Variants in CR1 observed in about 807,000 individuals in gnomAD.
CR1 encodes the protein complement receptor type 1.
In CR1, 116 loss-of-function variants were observed where a neutral mutation model predicts 187.3. The ratio of observed to expected loss-of-function variants is 0.62; its 90% CI spans 0.53 to 0.72. The LOEUF (loss-of-function observed/expected upper bound fraction) is 0.72. Ranked by LOEUF, CR1 falls within the 30% of genes least tolerant of loss-of-function variation. The pLI is 0.00. For missense variants in CR1, 1,731 were observed against 2,110.7 expected, an observed-to-expected ratio of 0.82 and a Z score of 3.52; for synonymous variants, 576 against 747.1, an observed-to-expected ratio of 0.77 and a Z score of 3.73.
At chr1:207,606,003 TA>T in intron 35 of CR1, 1 of 152,182 alleles carries the variant, frequency 6.6e-6, no homozygotes, top group East Asian at 1.9e-4. Context: ...ACAGAAGAAA[TA>T]AAATAACAGG....
intron 39 of CR1, among the ~76,000 whole-genome samples, chr1:207,612,623 G>A (rs543256979): frequency 8.5e-5 from 13 of 152,216 alleles, no homozygotes; most frequent in South Asian, 4.1e-4. Context: ...CAGGCTCACC[G>A]CAGGAAACAC....
At chr1:207,500,093 T>C (rs1207829835) in intron 1 of CR1, among the ~76,000 whole-genome samples, 2 of 152,190 alleles carry the variant, frequency 1.3e-5, no homozygotes, top group Non-Finnish European at 2.9e-5. Context: ...ACCTAGAAAG[T>C]ATCATGAAGA....
At chr1:207,512,573 A>T (rs1211759915) in intron 4 of CR1, among the ~76,000 whole-genome samples, 1 of 152,198 alleles carries the variant, frequency 6.6e-6, no homozygotes, top group Non-Finnish European at 1.5e-5. Context: ...GGACTCCTTT[A>T]CTTTTCTTCT....
At chr1:207,625,469 C>T (rs1269224345) in intron 45 of CR1, among the ~76,000 whole-genome samples, 2 of 152,246 alleles carry the variant, frequency 1.3e-5, no homozygotes, top group Non-Finnish European at 2.9e-5. Context: ...TTACTTTTGA[C>T]CTGTTTCACT....
chr1:207,617,577 G>GTATATATATA (rs747792167), intron 41 of CR1, among the ~76,000 whole-genome samples: 4 of 47,180 alleles, frequency 8.5e-5, no homozygotes, highest in Non-Finnish European at 1.2e-4. Context: ...ATGTGTGTGT[G>GTATATATATA]TATATATATA....
At chr1:207,500,287 G>A (rs910325566) in intron 1 of CR1, among the ~76,000 whole-genome samples, 20 of 152,058 alleles carry the variant, frequency 1.3e-4, no homozygotes, top group East Asian at 5.8e-4. Context: ...TTATGTTCGT[G>A]TACATATATA....
intron 27 of CR1, 103 bp from the exon 28 acceptor site, chr1:207,575,492 G>C: frequency 6.9e-7 from 1 of 1,448,514 alleles, no homozygotes; most frequent in Non-Finnish European, 9.7e-7. Flanking sequence ...CTAGGCCTTA[G>C]ACTTCTCCTG....
chr1:207,576,581 G>T (rs1478964568), intron 28 of CR1, among the ~76,000 whole-genome samples: 3 of 152,200 alleles, frequency 2.0e-5, no homozygotes, highest in Non-Finnish European at 2.9e-5. Context: ...ACTTTGGGAG[G>T]CCTAGGTGAG....
In CR1 at chr1:207,640,982, C is replaced by A. The variant is rs955205170; in HGVS notation, c.*1573C>A. On this transcript the variant is annotated 3_prime_UTR_variant, in exon 47 of 47. Coordinates refer to ENST00000367049, the MANE Select transcript of CR1 (RefSeq NM_000651.6). ...AAAAATGCAACTTACATCACAAAAG[C>A]TAATTGCTTTATTATTTAGAGAGTA... 6.6e-6 allele frequency: 1 copy of A among 152,072 alleles called. No homozygotes were observed. Among genetic ancestry groups the A allele is most frequent in the Non-Finnish European group, 1.5e-5 (1 of 68,008 alleles). The allele number at this position is 152,072 out of a possible 1,614,324, so 9.4% of individuals were successfully genotyped here.
At chr1:207,630,711 A>G (rs1377537217) in intron 46 of CR1, 90 bp downstream of exon 46, 2 of 799,216 alleles carry the variant, frequency 2.5e-6, no homozygotes, top group Non-Finnish European at 1.9e-6. Context: ...TGCACTAGGT[A>G]GGTCATTGAT....
rs896459925 is a variant in CR1, at chr1:207,640,807, T to G, written c.*1398T>G. 1.6e-4 allele frequency: 25 copies of G among 152,212 alleles called. No homozygotes were observed. Among genetic ancestry groups the G allele is most frequent in the African/African-American group, 5.3e-4 (22 of 41,452 alleles). The allele number at this position is 152,212 out of a possible 1,614,324, so 9.4% of individuals were successfully genotyped here. A position where few individuals can be genotyped will look rare whatever the true frequency, so the allele number is the denominator to read the frequency against. Reference sequence around the variant, plus strand: ...ATGCTCATTTCTATGTAATTCTGTTTAATAGTTGCTTTAAAGGTGAATTTT... The same window carrying G: ...ATGCTCATTTCTATGTAATTCTGTTGAATAGTTGCTTTAAAGGTGAATTTT... On this transcript the variant is annotated 3_prime_UTR_variant, in exon 47 of 47. Coordinates refer to ENST00000367049, the MANE Select transcript of CR1 (RefSeq NM_000651.6).
At chr1:207,608,739 T>C (rs1661821754) in intron 36 of CR1, among the ~76,000 whole-genome samples, 1 of 152,206 alleles carries the variant, frequency 6.6e-6, no homozygotes, top group Non-Finnish European at 1.5e-5. Context: ...GATCATTTAA[T>C]TGAGTCAATA....
intron 41 of CR1, 42 bp downstream of exon 41, chr1:207,616,844 T>A (rs753337139): frequency 2.4e-5 from 38 of 1,600,622 alleles, no homozygotes; most frequent in Non-Finnish European, 2.7e-5. Flanking sequence ...GTTCAGAATA[T>A]CTAGGTAAGA....
chr1:207,583,263 G>C (rs1661015950), intron 32 of CR1, among the ~76,000 whole-genome samples: 1 of 152,232 alleles, frequency 6.6e-6, no homozygotes, highest in Admixed American at 6.5e-5. Context: ...AAATTCTATA[G>C]AGAGGTCAAA....
chr1:207,618,961 C>T (rs1053063274), intron 42 of CR1, among the ~76,000 whole-genome samples: 14 of 148,664 alleles, frequency 9.4e-5, no homozygotes, highest in Non-Finnish European at 1.5e-4. Flanking sequence ...ATCACTTGAA[C>T]CCAGAGGCAG....
At chr1:207,564,751 A>G (rs1482449795) in intron 23 of CR1, among the ~76,000 whole-genome samples, 1 of 150,148 alleles carries the variant, frequency 6.7e-6, no homozygotes, top group Non-Finnish European at 1.5e-5. Context: ...CAGTGAGCCG[A>G]GATGGCACCA....
In CR1 at chr1:207,580,375, C is replaced by A; in HGVS notation, c.5072C>A (p.Thr1691Lys). 7 of 1,613,996 alleles carry A rather than the reference C, an allele frequency of 4.3e-6. No homozygotes were observed. The highest frequency in any genetic ancestry group is 5.9e-6 in the Non-Finnish European group (7 of 1,179,870). Residue 1691 changes from threonine to lysine, a missense_variant, in exon 30 of 47, where the codon ACA (threonine) becomes AAA (lysine). By Grantham distance (78) the Thr-to-Lys change is moderately conservative. This residue lies in a region of CR1 where 1,312 missense variants were observed against 1,379.6 expected (regional missense o/e 0.95). Transcript: ENST00000367049. ...DLRGAASLHC[T>K]PQGDWSPEAP... ...AGAGGGGCTGCGTCTCTGCACTGCA[C>A]ACCCCAGGGAGACTGGAGCCCTGAA...
intron 46 of CR1, among the ~76,000 whole-genome samples, chr1:207,636,391 T>C (rs1460838783): frequency 2.0e-5 from 3 of 152,172 alleles, no homozygotes; most frequent in Non-Finnish European, 4.4e-5. Context: ...TCCCTGTAGA[T>C]GGCATCTGAC....
chr1:207,589,639 T>G (rs901521817), intron 35 of CR1, among the ~76,000 whole-genome samples: 1 of 152,110 alleles, frequency 6.6e-6, no homozygotes, highest in African/African-American at 2.4e-5. Context: ...AGAAGTAGGC[T>G]TCAGAAGGTG....
Sources: allele counts gnomAD v4.1 joint callset (sites outside exome capture counted in the v4.1 genomes callset), GRCh38; gene constraint gnomAD v4.1.1; regional missense constraint gnomAD v4.1.1; transcripts MANE v1.5; gene names NCBI Gene and HGNC (gene_info 2026-07-23, HGNC 2026-07-21).